The following MECOM variants were observed in gnomAD, a reference collection of about 807,000 sequenced individuals.
MECOM encodes the protein MDS1 and EVI1 complex locus, also known as histone-lysine N-methyltransferase MECOM.
A neutral mutation model predicts 116.3 loss-of-function variants in MECOM; 13 were observed. The ratio of observed to expected loss-of-function variants is 0.11; its 90% CI spans 0.07 to 0.18. MECOM has a LOEUF of 0.18. Ranked by LOEUF, MECOM falls within the 10% of genes least tolerant of loss-of-function variation. MECOM has a pLI of 1.00. For missense variants in MECOM, 1,299 were observed against 1,509.0 expected (o/e 0.86, Z 2.31); for synonymous variants, 528 against 535.2 (o/e 0.99, Z 0.19).
chr3:169,584,082 T>G (rs777255848), intron 1 of MECOM, among the ~76,000 whole-genome samples: 15 of 152,290 alleles, frequency 9.8e-5, no homozygotes, highest in Admixed American at 4.6e-4. Flanking sequence ...GAGAATATTA[T>G]TTCAGTTATT....
rs182884028 is a variant in MECOM, at chr3:169,414,357, A to G, written c.38-32833T>C. Among the ~76,000 whole-genome samples the G allele has an allele frequency of 2.6e-4, 40 of 152,300 alleles. No individual in the cohort carries two copies. In the East Asian group the frequency reaches 6.8e-3, roughly 26 times the overall value. ...AATAGCATCAACATCTACAAAAAGG[A>G]CAACCATGCAAAACCTCCATCCAAA... On this transcript the variant is annotated intron_variant, in intron 1 of 16. Coordinates refer to ENST00000651503, the MANE Select transcript of MECOM (RefSeq NM_004991.4).
rs756402551 is a variant in MECOM, at chr3:169,115,457, G to A, written c.2415C>T (p.Val805=). 25 of 1,613,988 alleles carry A rather than the reference G, an allele frequency of 1.5e-5. No individual in the cohort carries two copies. The highest frequency in any genetic ancestry group is 1.6e-4 in the Middle Eastern group (1 of 6,082). ...HVFGGKKGSN[V]ESRPASDGSL... The stretch of plus-strand genomic sequence containing the variant: ...AACCATCTGAAGCAGGTCTTGATTC[G>A]ACGTTGCTTCCTTTTTTTCCCCCAA... Residue 805 remains valine, a synonymous_variant, in exon 8 of 17, where the codon GTC becomes GTT. Coordinates refer to ENST00000651503, the MANE Select transcript of MECOM (RefSeq NM_004991.4).
chr3:169,533,982 G>A (rs1759002470), intron 1 of MECOM, among the ~76,000 whole-genome samples: 1 of 152,148 alleles, frequency 6.6e-6, no homozygotes, highest in Non-Finnish European at 1.5e-5. Context: ...TCACACCTGA[G>A]AAATGTTTGA....
chr3:169,202,862 C>G (rs936535966), intron 2 of MECOM, among the ~76,000 whole-genome samples: 41 of 144,230 alleles, frequency 2.8e-4, no homozygotes, highest in African/African-American at 9.6e-4. Flanking sequence ...TTAAGTCCAA[C>G]TTTCTGGGAA....
intron 2 of MECOM, among the ~76,000 whole-genome samples, chr3:169,326,954 T>C (rs961886338): frequency 6.6e-6 from 1 of 152,228 alleles, no homozygotes; most frequent in Non-Finnish European, 1.5e-5. Context: ...TGGAAGATTA[T>C]TTGAAAGCAA....
chr3:169,266,250 C>T (rs758539919), intron 2 of MECOM, among the ~76,000 whole-genome samples: 27 of 152,160 alleles, frequency 1.8e-4, no homozygotes, highest in South Asian at 4.2e-4. Context: ...TTGCAAGTAA[C>T]TTCTCCTTGG....
intron 1 of MECOM, among the ~76,000 whole-genome samples, chr3:169,624,616 A>T (rs1771131208): frequency 6.6e-6 from 1 of 152,178 alleles, no homozygotes; most frequent in Admixed American, 6.5e-5. Flanking sequence ...CTCTGTCTCA[A>T]AGCTGCATGC....
chr3:169,123,443 T>G (rs953348642), intron 5 of MECOM, among the ~76,000 whole-genome samples: 1 of 151,822 alleles, frequency 6.6e-6, no homozygotes, highest in African/African-American at 2.4e-5. Context: ...TGATTAGAAG[T>G]TTCTCACAAG....
chr3:169,147,230 A>G (rs1173911465), intron 2 of MECOM: 3 of 985,470 alleles, frequency 3.0e-6, no homozygotes, highest in Non-Finnish European at 3.6e-6. Flanking sequence ...AAGCAGGAGG[A>G]GGAGAGTTTG....
At chr3:169,634,530 C>T (rs1772482097) in intron 1 of MECOM, among the ~76,000 whole-genome samples, 1 of 152,150 alleles carries the variant, frequency 6.6e-6, no homozygotes, top group Admixed American at 6.5e-5. Context: ...TGAAGAGGGG[C>T]AAATAGCAGA....
rs142165824 is a variant in MECOM at position 169,240,827 on chromosome 3, T to C, written c.376-96995A>G. On this transcript the variant is annotated intron_variant, in intron 2 of 16. Coordinates refer to ENST00000651503, the MANE Select transcript of MECOM (RefSeq NM_004991.4). ...ATTAGACAGATTTAAGGGGAACAGATGAGCCCAAATCCCCCTTTTTATTAT... is the reference window on the plus strand; with the variant it reads ...ATTAGACAGATTTAAGGGGAACAGACGAGCCCAAATCCCCCTTTTTATTAT... 1.7e-3 allele frequency among the ~76,000 whole-genome samples: 256 copies of C among 152,272 alleles called. 2 individuals are homozygous for C. Among genetic ancestry groups the C allele is most frequent in the African/African-American group, 5.8e-3 (240 of 41,560 alleles).
intron 2 of MECOM, among the ~76,000 whole-genome samples, chr3:169,183,775 C>T (rs1456908756): frequency 7.6e-5 from 3 of 39,584 alleles, no homozygotes; most frequent in Non-Finnish European, 1.4e-4. Context: ...CACACACACA[C>T]ACACACACAC....
At chr3:169,432,899 TA>T (rs1741875813) in intron 1 of MECOM, among the ~76,000 whole-genome samples, 1 of 152,238 alleles carries the variant, frequency 6.6e-6, no homozygotes, top group Non-Finnish European at 1.5e-5. Context: ...CAGGCTTAAT[TA>T]AATAAAGACC....
chr3:169,473,254 A>G (rs1279146682), intron 1 of MECOM, among the ~76,000 whole-genome samples: 1 of 152,174 alleles, frequency 6.6e-6, no homozygotes. Context: ...TGATCACCCT[A>G]TCTACAAACT....
In MECOM at chr3:169,381,211, C is replaced by T. The variant is rs764707651; in HGVS notation, c.351G>A (p.Leu117=). Residue 117 remains leucine (L), a synonymous_variant, in exon 2 of 17, where the codon CTG becomes CTA. Transcript: ENST00000651503. ...CCTCCCATCCATAACTGGGGTCTTT[C>T]AGGTTTGACCTCTGCTCTCCCACAT... ...GPYVGEQRSN[L]KDPSYGWEIL... is the part of the protein sequence containing the mutation. The T allele has an allele frequency of 6.2e-7, 1 of 1,607,728 alleles. No individual in the cohort carries two copies. Among genetic ancestry groups the T allele is most frequent in the South Asian group, 1.1e-5 (1 of 90,794 alleles).
At chr3:169,382,908 C>A (rs1284740776) in intron 1 of MECOM, among the ~76,000 whole-genome samples, 1 of 147,268 alleles carries the variant, frequency 6.8e-6, no homozygotes, top group Non-Finnish European at 1.5e-5. Context: ...GCCTCCAGCT[C>A]CATGATCAGT....
rs1751767502 is a variant in MECOM, at chr3:169,483,968, G to T, written c.38-102444C>A. On this transcript the variant is annotated intron_variant, in intron 1 of 16. Transcript: ENST00000651503. ...AATTGGCAGCATCCATGATTCTACA[G>T]GGTGGGTGCAATCAAGAGTGAACTT... 4 of 1,590,116 alleles carry T rather than the reference G, an allele frequency of 2.5e-6. No individual in the cohort carries two copies. In the Admixed American group the frequency reaches 6.7e-5, roughly 27 times the overall value.
chr3:169,635,456 C>T (rs1413340902), intron 1 of MECOM, among the ~76,000 whole-genome samples: 1 of 152,118 alleles, frequency 6.6e-6, no homozygotes, highest in Admixed American at 6.5e-5. Flanking sequence ...GCCTCATCTC[C>T]CATTGCTATC....
chr3:169,277,231 G>C (rs549721858), intron 2 of MECOM, among the ~76,000 whole-genome samples: 10 of 152,256 alleles, frequency 6.6e-5, no homozygotes, highest in African/African-American at 1.9e-4. Flanking sequence ...GGGTATTCAA[G>C]GGTATTCAAG....
Sources: gnomAD v4.1 joint callset for allele counts (sites outside exome capture counted in the v4.1 genomes callset) on GRCh38, gnomAD v4.1.1 for gene constraint, MANE v1.5 for transcripts, NCBI Gene and HGNC (gene_info 2026-07-23, HGNC 2026-07-21) for gene names.